The following ZBTB20 variants were observed in gnomAD, a reference collection of about 807,000 sequenced individuals.
The protein encoded by ZBTB20 is zinc finger and BTB domain-containing protein 20.
In ZBTB20, 9 loss-of-function variants were observed where a neutral mutation model predicts 56.9. The observed-to-expected ratio is 0.16, with a 90% confidence interval of 0.10 to 0.28. ZBTB20 has a LOEUF of 0.28. Among genes scored for constraint, ZBTB20 ranks in the 10% least tolerant of loss-of-function variants. The pLI is 1.00. For synonymous variants in ZBTB20, 417 were observed against 420.7 expected (o/e 0.99, Z 0.11); for missense variants, 655 against 1,003.0 (o/e 0.65, Z 4.69).
At chr3:114,827,466 G>A (rs80220131) in intron 4 of ZBTB20, among the ~76,000 whole-genome samples, 2 of 151,722 alleles carry the variant, frequency 1.3e-5, no homozygotes, top group East Asian at 1.9e-4. Context: ...ATTTTAACAC[G>A]GTAGGCTGAT....
At chr3:114,951,251 TTC>T (rs2077057163) in intron 3 of ZBTB20, among the ~76,000 whole-genome samples, 1 of 152,276 alleles carries the variant, frequency 6.6e-6, no homozygotes, top group Non-Finnish European at 1.5e-5. Context: ...TTGTTTTTTT[TTC>T]TCTGTTTTCC....
intron 6 of ZBTB20, among the ~76,000 whole-genome samples, chr3:114,515,414 C>T (rs954903462): frequency 1.3e-5 from 2 of 152,208 alleles, no homozygotes; most frequent in Non-Finnish European, 2.9e-5. Context: ...CCTCAGCTTC[C>T]AGGCTGCTGA....
chr3:114,681,308 G>T (rs1056170118), intron 6 of ZBTB20, among the ~76,000 whole-genome samples: 1 of 152,052 alleles, frequency 6.6e-6, no homozygotes, highest in Admixed American at 6.6e-5. Context: ...TATTAGGCGT[G>T]TGCCACCACG....
chr3:114,395,862 A>T (rs760409388), intron 7 of ZBTB20, among the ~76,000 whole-genome samples: 1 of 152,188 alleles, frequency 6.6e-6, no homozygotes, highest in Non-Finnish European at 1.5e-5. Flanking sequence ...TTTTCTCCAT[A>T]GAGACCTCTT....
chr3:114,947,048 TA>T (rs773737880), intron 3 of ZBTB20, among the ~76,000 whole-genome samples: 1 of 142,572 alleles, frequency 7.0e-6, no homozygotes, highest in Non-Finnish European at 1.5e-5. Flanking sequence ...CCAAGAAACA[TA>T]TAAAAAAAAA....
intron 6 of ZBTB20, among the ~76,000 whole-genome samples, chr3:114,641,829 G>A (rs1355895251): frequency 6.6e-6 from 1 of 151,740 alleles, no homozygotes; most frequent in Non-Finnish European, 1.5e-5. Context: ...TTATATGAAT[G>A]TAATCAAATA....
intron 6 of ZBTB20, among the ~76,000 whole-genome samples, chr3:114,554,287 G>A (rs1390408186): frequency 2.0e-5 from 3 of 152,150 alleles, no homozygotes; most frequent in Non-Finnish European, 4.4e-5. Flanking sequence ...CCCATAGCAC[G>A]TGTCCTTTTC....
chr3:114,356,263 G>A (rs1470717471), intron 10 of ZBTB20: 1 of 152,200 alleles, frequency 6.6e-6, no homozygotes, highest in East Asian at 1.9e-4. Context: ...CGTTGCTCCT[G>A]CCTGTCCCTT....
chr3:114,764,889 T>C (rs2068680327), intron 5 of ZBTB20, among the ~76,000 whole-genome samples: 1 of 152,174 alleles, frequency 6.6e-6, no homozygotes, highest in Admixed American at 6.5e-5. Context: ...GTACACGCTG[T>C]TGCCCAAATA....
intron 4 of ZBTB20, among the ~76,000 whole-genome samples, chr3:114,832,505 C>T (rs2073904884): frequency 6.6e-6 from 1 of 151,902 alleles, no homozygotes; most frequent in Non-Finnish European, 1.5e-5. Context: ...AAAGTAAATT[C>T]CACAAGGGAA....
chr3:114,351,370 T>C lies in ZBTB20; in HGVS notation c.708A>G (p.Pro236=). 2 of 1,611,388 alleles carry C rather than the reference T, an allele frequency of 1.2e-6. No homozygotes were observed. Among genetic ancestry groups the C allele is most frequent in the Non-Finnish European group, 1.7e-6 (2 of 1,179,696 alleles). The stretch of plus-strand genomic sequence containing the variant: ...AGTAGATCCTGTCCACGCTGTGCTG[T>C]GGGTGGCTCTGCAGGTAGCCCGACT... ...DTESGYLQSH[P]QHSVDRIYSA... The change falls in exon 11 of 12, where the codon CCA becomes CCG. Residue 236 remains proline, a synonymous_variant. Transcript: ENST00000675478.
chr3:114,727,703 G>C (rs1371110511), intron 5 of ZBTB20, among the ~76,000 whole-genome samples: 2 of 152,190 alleles, frequency 1.3e-5, no homozygotes, highest in African/African-American at 2.4e-5. Context: ...GATTCATGTA[G>C]AAATCTTTGT....
chr3:114,572,987 C>T (rs992572019), intron 6 of ZBTB20, among the ~76,000 whole-genome samples: 5 of 152,146 alleles, frequency 3.3e-5, no homozygotes, highest in African/African-American at 1.2e-4. Context: ...GTTTCAATTA[C>T]TCAGAATGCT....
At chr3:114,685,908 T>A (rs747059686) in intron 6 of ZBTB20, among the ~76,000 whole-genome samples, 5 of 152,156 alleles carry the variant, frequency 3.3e-5, no homozygotes, top group South Asian at 4.1e-4. Flanking sequence ...TTTTAAGGAC[T>A]AAACTAAAAA....
At chr3:114,783,240 T>C (rs1578848103) in intron 5 of ZBTB20, among the ~76,000 whole-genome samples, 1 of 152,208 alleles carries the variant, frequency 6.6e-6, no homozygotes, top group African/African-American at 2.4e-5. Flanking sequence ...TTAAACTCAT[T>C]ACATAAATAT....
At chr3:114,491,857 T>C (rs996873708) in intron 7 of ZBTB20, among the ~76,000 whole-genome samples, 1 of 152,166 alleles carries the variant, frequency 6.6e-6, no homozygotes, top group Admixed American at 6.5e-5. Context: ...TCTCATTCTC[T>C]CCTCATCCCA....
chr3:114,468,331 G>A (rs560391841), intron 7 of ZBTB20, among the ~76,000 whole-genome samples: 10 of 152,294 alleles, frequency 6.6e-5, no homozygotes, highest in African/African-American at 2.2e-4. Flanking sequence ...CAAACCATTA[G>A]GTCAAAAGGG....
At chr3:114,801,051 T>C (rs2071671140) in intron 5 of ZBTB20, 50 bp downstream of exon 5, 1 of 152,056 alleles carries the variant, frequency 6.6e-6, no homozygotes, top group Non-Finnish European at 1.5e-5. Flanking sequence ...TTGTCCTTTT[T>C]TGGGTTGGTC....
intron 7 of ZBTB20, among the ~76,000 whole-genome samples, chr3:114,490,549 CCTT>C (rs1205052338): frequency 6.6e-6 from 1 of 152,024 alleles, no homozygotes; most frequent in Non-Finnish European, 1.5e-5. Context: ...TCCATCCCTC[CCTT>C]CTTTCTTCCC....
Sources: allele counts gnomAD v4.1 joint callset (sites outside exome capture counted in the v4.1 genomes callset), GRCh38; gene constraint gnomAD v4.1.1; transcripts MANE v1.5; gene names NCBI Gene and HGNC (gene_info 2026-07-23, HGNC 2026-07-21).